The following ACOT8 variants were observed in gnomAD, a reference collection of about 807,000 sequenced individuals.
ACOT8 encodes the protein acyl-CoA thioesterase 8.
In ACOT8, 31 loss-of-function variants were observed where a neutral mutation model predicts 38.4. That is an observed-to-expected ratio of 0.81 (90% CI 0.61 to 1.09). The LOEUF is 1.09. Among genes scored for constraint, ACOT8 ranks in the 50% least tolerant of loss-of-function variants. The probability of loss-of-function intolerance (pLI) is 0.00; values close to 1 mark genes in which losing one functional copy is unlikely to be tolerated. For synonymous variants in ACOT8, 158 were observed against 170.3 expected (o/e 0.93, Z 0.56); for missense variants, 373 against 421.8 (o/e 0.88, Z 1.01).
At chr20:45,856,594 T>C (rs1206841274) in intron 1 of ACOT8, among the ~76,000 whole-genome samples, 1 of 151,090 alleles carries the variant, frequency 6.6e-6, no homozygotes. Context: ...GCAGGAGAAA[T>C]GCTTGAACCC....
chr20:45,842,839 TC>T, intron 5 of ACOT8: 1 of 994,736 alleles, frequency 1.0e-6, no homozygotes, highest in Non-Finnish European at 1.2e-6. Flanking sequence ...ATACCCCTTA[TC>T]TGAGTATAAA....
chr20:45,846,646 TAGA>T (rs1016957317), intron 3 of ACOT8, among the ~76,000 whole-genome samples: 4 of 152,178 alleles, frequency 2.6e-5, no homozygotes, highest in Non-Finnish European at 4.4e-5. Flanking sequence ...TCCCATTTTT[TAGA>T]AGAAGAAACT....
At chr20:45,843,257 T>C in intron 5 of ACOT8, 3 of 622,466 alleles carry the variant, frequency 4.8e-6, no homozygotes, top group South Asian at 1.5e-5. Context: ...CCTATTGTAA[T>C]ACAAAGAATC....
intron 3 of ACOT8, among the ~76,000 whole-genome samples, chr20:45,845,827 G>GT (rs940280737): frequency 0.051 from 7,467 of 145,634 alleles, 222 homozygotes; most frequent in South Asian, 0.1. Flanking sequence ...ACTGACTTTG[G>GT]TTTTTTTTTG....
intron 5 of ACOT8, chr20:45,842,545 G>C: frequency 1.0e-6 from 1 of 1,002,942 alleles, no homozygotes; most frequent in Non-Finnish European, 1.2e-6. Flanking sequence ...GAGGCCATGA[G>C]GTCTGGCCTC....
chr20:45,842,345 G>A, intron 5 of ACOT8: 1 of 1,375,998 alleles, frequency 7.3e-7, no homozygotes, highest in South Asian at 1.7e-5. Flanking sequence ...GATCACAGAG[G>A]GAGGAGCTCT....
rs144503584 is a variant in ACOT8, at chr20:45,854,070, T to C, written c.262+1089A>G. 3.9e-4 allele frequency: 362 copies of C among 934,848 alleles called. No individual in the cohort carries two copies. The African/African-American group carries it at 5.7e-3, about 15-fold the overall frequency. The allele number at this position is 934,848 out of a possible 1,614,324, so 57.9% of individuals were successfully genotyped here. On this transcript the variant is annotated intron_variant, in intron 2 of 5. Transcript: ENST00000217455. ...AGGTTTTGCTTTTATTTTCCTTTTATTTATTTTTTTGTAGAGACAAGGTCT... is the reference window on the plus strand; with the variant it reads ...AGGTTTTGCTTTTATTTTCCTTTTACTTATTTTTTTGTAGAGACAAGGTCT...
In ACOT8 at chr20:45,855,192, C is replaced by T. The variant is rs781777309; in HGVS notation, c.229G>A (p.Val77Met). Reference sequence around the variant, plus strand: ...ACAAAGTAGCAGTGCAGGGAGTGCACGTGGACGTCTTCACTCACAGACTTG... The same window carrying T: ...ACAAAGTAGCAGTGCAGGGAGTGCATGTGGACGTCTTCACTCACAGACTTG... ...AAKSVSEDVH[V>M]HSLHCYFVRA... is the part of the protein sequence containing the mutation. The change falls in exon 2 of 6, where the codon GTG (valine) becomes ATG (methionine). Residue 77 changes from valine (V) to methionine (M), a missense_variant. Val to Met is a conservative substitution (Grantham distance 21, BLOSUM62 1). Coordinates refer to ENST00000217455, the MANE Select transcript of ACOT8 (RefSeq NM_005469.4). 2.8e-5 allele frequency: 45 copies of T among 1,614,140 alleles called. No homozygotes were observed. The highest frequency in any genetic ancestry group is 8.3e-5 in the Admixed American group (5 of 60,020).
chr20:45,844,051 T>TCAGAAAGG, intron 4 of ACOT8: 1 of 823,844 alleles, frequency 1.2e-6, no homozygotes, highest in East Asian at 2.7e-5. Flanking sequence ...TTTGCCTTCC[T>TCAGAAAGG]CAGAAAGGCC....
intron 2 of ACOT8, chr20:45,853,964 G>C (rs564010794): frequency 1.2e-5 from 16 of 1,304,308 alleles, no homozygotes; most frequent in Middle Eastern, 2.1e-4. Context: ...GATCTACGCA[G>C]AACACATGAG....
chr20:45,844,403 T>C lies in ACOT8; in HGVS notation c.506A>G (p.Lys169Arg). The C allele has an allele frequency of 3.7e-6, 6 of 1,614,020 alleles. No homozygotes were observed. The highest frequency in any genetic ancestry group is 5.1e-6 in the Non-Finnish European group (6 of 1,179,970). ...TCGGTTGAGCGCCAATGGGTACCTC[T>C]TTTGGAGGTTAGGGTCCCTGAAAGT... ...DQYLRDPNLQ[K>R]RYPLALNRIA... Residue 169 changes from lysine to arginine, a missense_variant, in exon 4 of 6, where the codon AAG becomes AGG. By Grantham distance (26) the Lys-to-Arg change is conservative (BLOSUM62 2). Coordinates refer to ENST00000217455, the MANE Select transcript of ACOT8 (RefSeq NM_005469.4).
chr20:45,851,373 CA>C (rs896106546), intron 2 of ACOT8, among the ~76,000 whole-genome samples: 3 of 150,810 alleles, frequency 2.0e-5, no homozygotes, highest in East Asian at 1.9e-4. Context: ...GGGGAAAAAA[CA>C]AAAAAAAACC....
rs748008352 is a variant in ACOT8, at chr20:45,848,547, C to T, written c.391G>A (p.Ala131Thr). 1 of 1,614,084 alleles carries T rather than the reference C, an allele frequency of 6.2e-7. No individual in the cohort carries two copies. The highest frequency in any genetic ancestry group is 1.1e-5 in the South Asian group (1 of 91,068). Reference protein sequence around the residue: ...IFICQASFQQAQPSPMQHQFS... With the variant: ...IFICQASFQQTQPSPMQHQFS... Reference sequence around the variant, plus strand: ...TGGTGCTGCATGGGGCTGGGCTGGGCCTGCTGGAAGGAGGCCTGGCAGATG... The same window carrying T: ...TGGTGCTGCATGGGGCTGGGCTGGGTCTGCTGGAAGGAGGCCTGGCAGATG... The change falls in exon 3 of 6, where the codon GCC (alanine) becomes ACC (threonine). Residue 131 changes from alanine to threonine, a missense_variant. Transcript: ENST00000217455.
chr20:45,850,607 G>A (rs1475722537), intron 2 of ACOT8, among the ~76,000 whole-genome samples: 2 of 152,186 alleles, frequency 1.3e-5, no homozygotes, highest in African/African-American at 4.8e-5. Flanking sequence ...GATGTATATG[G>A]AAGCCATTTG....
At chr20:45,855,518 C>T (rs1356346332) in intron 1 of ACOT8, among the ~76,000 whole-genome samples, 1 of 152,104 alleles carries the variant, frequency 6.6e-6, no homozygotes, top group African/African-American at 2.4e-5. Context: ...TTTGGGAGGC[C>T]GAGGCAGGTG....
chr20:45,855,096 C>T (rs929150375), intron 2 of ACOT8, 63 bp downstream of exon 2: 41 of 1,596,520 alleles, frequency 2.6e-5, no homozygotes, highest in Middle Eastern at 1.9e-4. Flanking sequence ...ACCTCAGCCC[C>T]CAAGGCCAGA....
At chr20:45,842,278 G>A (rs1984256399) in intron 5 of ACOT8, 2 of 1,428,486 alleles carry the variant, frequency 1.4e-6, no homozygotes, top group Non-Finnish European at 1.8e-6. Flanking sequence ...TCCTCCCACA[G>A]GAACCCCAGT....
intron 5 of ACOT8, chr20:45,842,813 C>T: frequency 2.0e-6 from 2 of 991,068 alleles, no homozygotes; most frequent in Non-Finnish European, 2.4e-6. Context: ...GATTGTGATG[C>T]TATTGGTACT....
intron 3 of ACOT8, among the ~76,000 whole-genome samples, chr20:45,847,365 G>C (rs773580999): frequency 2.6e-5 from 4 of 151,974 alleles, no homozygotes; most frequent in Admixed American, 6.6e-5. Flanking sequence ...AATCACTTAG[G>C]GGGCTGGGGA....
Sources: allele counts gnomAD v4.1 joint callset (sites outside exome capture counted in the v4.1 genomes callset), GRCh38; gene constraint gnomAD v4.1.1; transcripts MANE v1.5; gene names NCBI Gene and HGNC (gene_info 2026-07-23, HGNC 2026-07-21).